Variants in QSOX2 observed in about 807,000 individuals in gnomAD.
The protein encoded by QSOX2 is quiescin sulfhydryl oxidase 2.
A neutral mutation model predicts 61.7 loss-of-function variants in QSOX2; 46 were observed. The ratio of observed to expected loss-of-function variants is 0.75; its 90% CI spans 0.59 to 0.95. The LOEUF (loss-of-function observed/expected upper bound fraction) is 0.95, where lower values mean the gene tolerates loss of function less well. Ranked by LOEUF, QSOX2 falls within the 40% of genes least tolerant of loss-of-function variation. The pLI is 0.00. For synonymous variants in QSOX2, 383 were observed against 388.4 expected, an observed-to-expected ratio of 0.99 and a Z score of 0.16; for missense variants, 879 against 918.9, an observed-to-expected ratio of 0.96 and a Z score of 0.56.
intron 2 of QSOX2, among the ~76,000 whole-genome samples, chr9:136,225,764 G>A (rs1355639182): frequency 6.6e-6 from 1 of 152,272 alleles, no homozygotes; most frequent in Non-Finnish European, 1.5e-5. Context: ...CTGGTTCTCA[G>A]AGTGACGTCA....
Position 136,224,125 on chromosome 9 carries a change from C to T in QSOX2, c.479-13G>A, listed in dbSNP as rs1338829157. The stretch of plus-strand genomic sequence containing the variant: ...TCTCGGTCAGGTCCTGCCGGAAGCA[C>T]ACCAGGGTCAGAGCTGTGTGTGCGG... On this transcript the variant is annotated splice_polypyrimidine_tract_variant and intron_variant, in intron 3 of 11. Coordinates refer to ENST00000358701, the MANE Select transcript of QSOX2 (RefSeq NM_181701.4). The T allele has an allele frequency of 1.8e-5, 29 of 1,607,168 alleles. No individual in the cohort carries two copies. Among genetic ancestry groups the T allele is most frequent in the Non-Finnish European group, 2.2e-5 (26 of 1,174,584 alleles).
intron 3 of QSOX2, 55 bp downstream of exon 3, chr9:136,224,806 T>C: frequency 1.5e-6 from 2 of 1,291,366 alleles, no homozygotes; most frequent in South Asian, 1.3e-5. Context: ...CGTGTGTCTT[T>C]AGCAGGTTTA....
chr9:136,221,784 C>A lies in QSOX2; in HGVS notation c.821+12G>T. On this transcript the variant is annotated intron_variant, in intron 6 of 11. Transcript: ENST00000358701. The surrounding 1 kb of genome is among the most constrained non-coding windows in gnomAD (Gnocchi z 4.5). ...GCGGCACGGAGTTCCCAGACCCCAC[C>A]CGGGCACTCACACGTTAATCAATCC... 1 of 1,583,096 alleles carries A rather than the reference C, an allele frequency of 6.3e-7. No homozygotes were observed. Among genetic ancestry groups the A allele is most frequent in the Non-Finnish European group, 8.6e-7 (1 of 1,162,096 alleles).
intron 1 of QSOX2, among the ~76,000 whole-genome samples, chr9:136,237,147 AGCCCGTCCTGGGCCTGCATCACCTGGT>A (rs1830391955): frequency 7.3e-6 from 1 of 137,508 alleles, no homozygotes; most frequent in Non-Finnish European, 1.5e-5. Flanking sequence ...CGTCACCTGG[AGCCCGTCCTGGGCCTGCATCACCTGGT>A]GCCCGTCCTG....
Position 136,211,837 on chromosome 9 carries a change from G to A in QSOX2, c.1361-385C>T, listed in dbSNP as rs1028878992. 3.3e-5 allele frequency among the ~76,000 whole-genome samples: 5 copies of A among 152,214 alleles called. No homozygotes were observed. The East Asian group carries it at 5.8e-4, about 18-fold the overall frequency. ...AACGCCCGGAGTGCCGCTCTTCCCCGGGATTTGCCAGCTGGGTGCAGTCTC... is the reference window on the plus strand; with the variant it reads ...AACGCCCGGAGTGCCGCTCTTCCCCAGGATTTGCCAGCTGGGTGCAGTCTC... On this transcript the variant is annotated intron_variant, in intron 10 of 11. Transcript: ENST00000358701.
intron 8 of QSOX2, among the ~76,000 whole-genome samples, chr9:136,217,679 C>A (rs1032016132): frequency 6.6e-6 from 1 of 152,182 alleles, no homozygotes; most frequent in African/African-American, 2.4e-5. Flanking sequence ...GACGGAGAAG[C>A]CGGGAGAGGA....
chr9:136,215,752 G>C (rs1267212356), intron 9 of QSOX2, among the ~76,000 whole-genome samples: 1 of 152,238 alleles, frequency 6.6e-6, no homozygotes, highest in Admixed American at 6.5e-5. Context: ...CAGAGTGGGT[G>C]ACTGCTGGAC....
At chr9:136,212,860 A>G (rs552823846) in intron 10 of QSOX2, among the ~76,000 whole-genome samples, 1 of 152,334 alleles carries the variant, frequency 6.6e-6, no homozygotes, top group East Asian at 1.9e-4. Flanking sequence ...TCCAAGACTT[A>G]ATCCCGTGGT....
intron 1 of QSOX2, among the ~76,000 whole-genome samples, chr9:136,233,653 C>T (rs967878413): frequency 4.6e-5 from 7 of 152,200 alleles, no homozygotes; most frequent in East Asian, 1.9e-4. Flanking sequence ...AAGGAAACCA[C>T]GAGAGGTCGT....
intron 1 of QSOX2, among the ~76,000 whole-genome samples, chr9:136,229,313 G>A (rs901994839): frequency 6.6e-6 from 1 of 152,204 alleles, no homozygotes; most frequent in African/African-American, 2.4e-5. Context: ...CAGACGGCAC[G>A]GGACGCGGAA....
At chr9:136,212,671 C>T (rs1348207437) in intron 10 of QSOX2, among the ~76,000 whole-genome samples, 3 of 152,272 alleles carry the variant, frequency 2.0e-5, no homozygotes, top group Admixed American at 1.3e-4. Context: ...GCTCCACAGA[C>T]ATCTGCCTTG....
Position 136,208,662 on chromosome 9 carries a change from T to C in QSOX2, c.*66A>G. 1.3e-6 allele frequency: 2 copies of C among 1,503,624 alleles called. No individual in the cohort carries two copies. The highest frequency in any genetic ancestry group is 1.8e-6 in the Non-Finnish European group (2 of 1,124,546). The allele number at this position is 1,503,624 out of a possible 1,614,324, so 93.1% of individuals were successfully genotyped here. Reference sequence around the variant, plus strand: ...AATCCCTGATCATAAATATTAAAGCTGCAGGTGGCACGGGGCAGGGCTGCC... The same window carrying C: ...AATCCCTGATCATAAATATTAAAGCCGCAGGTGGCACGGGGCAGGGCTGCC... On this transcript the variant is annotated 3_prime_UTR_variant, in exon 12 of 12. Transcript: ENST00000358701.
intron 1 of QSOX2, 87 bp from the exon 2 acceptor site, chr9:136,226,961 G>GCT: frequency 9.0e-7 from 1 of 1,116,634 alleles, no homozygotes; most frequent in Non-Finnish European, 1.4e-6. Flanking sequence ...CCAGGCTGCG[G>GCT]CCACCTGCGA....
At position 136,245,667 on chromosome 9, in the gene QSOX2, C is replaced by A. The variant is rs868936549; in HGVS notation, c.137G>T (p.Gly46Val). 2.5e-6 allele frequency: 3 copies of A among 1,215,874 alleles called. No individual in the cohort carries two copies. The highest frequency in any genetic ancestry group is 1.6e-5 in the African/African-American group (1 of 62,646). 75.3% of individuals were successfully genotyped at this position (1,215,874 alleles called of 1,614,324 possible). A position where few individuals can be genotyped will look rare whatever the true frequency, so the allele number is the denominator to read the frequency against. Reference sequence around the variant, plus strand: ...CCGCGCCGCACCGCCCGCGCCCGGCCCCACCGCCGCCGCCGCTAGCAGCAC... The same window carrying A: ...CCGCGCCGCACCGCCCGCGCCCGGCACCACCGCCGCCGCCGCTAGCAGCAC... ...LLVLLAAAAV[G>V]PGAGGAARLY... The change falls in exon 1 of 12, where the codon GGG (glycine) becomes GTG (valine). Residue 46 changes from glycine to valine, a missense_variant. Gly to Val is a moderately radical substitution (Grantham distance 109, BLOSUM62 -3). Coordinates refer to ENST00000358701, the MANE Select transcript of QSOX2 (RefSeq NM_181701.4).
At chr9:136,225,290 G>A (rs1312979550) in intron 2 of QSOX2, among the ~76,000 whole-genome samples, 3 of 152,208 alleles carry the variant, frequency 2.0e-5, no homozygotes, top group Non-Finnish European at 1.5e-5. Context: ...TGCAGGAGGA[G>A]GAGACACCAC....
chr9:136,209,989 C>T lies in QSOX2; in HGVS notation c.1550-714G>A. The T allele has an allele frequency of 1.0e-6, 1 of 985,436 alleles. No individual in the cohort carries two copies. 61.0% of individuals were successfully genotyped at this position (985,436 alleles called of 1,614,324 possible). ...ACTTGCTGACACCTGGCCACCCTCA[C>T]AGAGCTTCCAGAAGTGAATGTAAAC... On this transcript the variant is annotated intron_variant, in intron 11 of 11. Coordinates refer to ENST00000358701, the MANE Select transcript of QSOX2 (RefSeq NM_181701.4). The surrounding 1 kb of genome is among the most constrained non-coding windows in gnomAD (Gnocchi z 5.6).
rs73560703 is a variant in QSOX2, at chr9:136,209,765, T to C, written c.1550-490A>G. On this transcript the variant is annotated intron_variant, in intron 11 of 11. Coordinates refer to ENST00000358701, the MANE Select transcript of QSOX2 (RefSeq NM_181701.4). This position sits in a 1 kb window ranked among gnomAD's most constrained non-coding sequence, Gnocchi z 5.6. ...ATGGACAGTGGGCCTTAGGTGCACCTTCAGGAAAGGGCAGAGGGGCAGCAA... is the reference window on the plus strand; with the variant it reads ...ATGGACAGTGGGCCTTAGGTGCACCCTCAGGAAAGGGCAGAGGGGCAGCAA... The C allele has an allele frequency of 5.5e-3, 5,420 of 984,998 alleles. 218 individuals are homozygous for C. The African/African-American group carries it at 0.086, about 16-fold the overall frequency. 61.0% of individuals were successfully genotyped at this position (984,998 alleles called of 1,614,324 possible). A position where few individuals can be genotyped will look rare whatever the true frequency, so the allele number is the denominator to read the frequency against.
intron 6 of QSOX2, among the ~76,000 whole-genome samples, chr9:136,220,216 G>A (rs1174803545): frequency 6.6e-6 from 1 of 152,074 alleles, no homozygotes; most frequent in Non-Finnish European, 1.5e-5. Context: ...TTTGTCATAG[G>A]CTGGAGTCTC....
chr9:136,215,634 G>A (rs1287507646), intron 9 of QSOX2, among the ~76,000 whole-genome samples: 1 of 152,212 alleles, frequency 6.6e-6, no homozygotes, highest in Non-Finnish European at 1.5e-5. Context: ...TGTAAGGACA[G>A]TATTAAGAGA....
Sources: gnomAD v4.1 joint callset for allele counts (sites outside exome capture counted in the v4.1 genomes callset) on GRCh38, gnomAD v4.1.1 for gene constraint, Gnocchi (gnomAD v3.1) non-coding constraint, MANE v1.5 for transcripts, NCBI Gene and HGNC (gene_info 2026-07-23, HGNC 2026-07-21) for gene names.